Variants in SLC12A2 observed in about 807,000 individuals in gnomAD.
SLC12A2 encodes the protein Na-K-2Cl cotransporter 1.
In SLC12A2, 67 loss-of-function variants were observed where a neutral mutation model predicts 136.3. That is an observed-to-expected ratio of 0.49 (90% confidence interval 0.40 to 0.60). The LOEUF (loss-of-function observed/expected upper bound fraction) is 0.60. Ranked by LOEUF, SLC12A2 falls within the 20% of genes least tolerant of loss-of-function variation. SLC12A2 has a pLI of 0.00. For missense variants in SLC12A2, 1,322 were observed against 1,534.7 expected, an observed-to-expected ratio of 0.86 and a Z score of 2.32; for synonymous variants, 619 against 562.9, an observed-to-expected ratio of 1.10 and a Z score of -1.41.
chr5:128,155,297 GC>G (rs1762841412), intron 15 of SLC12A2, among the ~76,000 whole-genome samples: 2 of 151,870 alleles, frequency 1.3e-5, no homozygotes, highest in Non-Finnish European at 2.9e-5. Flanking sequence ...GATAAGGGGG[GC>G]TAGTGTACTT....
chr5:128,158,243 G>C lies in SLC12A2; in HGVS notation c.2475+79G>C, dbSNP rs550607911. The C allele has an allele frequency of 1.0e-4, 106 of 1,011,552 alleles. 1 individual carries two copies. The South Asian group carries it at 1.6e-3, about 15-fold the overall frequency. The allele number at this position is 1,011,552 out of a possible 1,614,324, so 62.7% of individuals were successfully genotyped here. On this transcript the variant is annotated intron_variant, in intron 16 of 26. Transcript: ENST00000262461. The stretch of plus-strand genomic sequence containing the variant: ...GGTTCAGGAATACATGTGCAGGTTT[G>C]TTATGTAGCTAAATTGTGTGTCACA...
chr5:128,105,276 T>TA (rs1380844544), intron 1 of SLC12A2, among the ~76,000 whole-genome samples: 2 of 152,174 alleles, frequency 1.3e-5, no homozygotes, highest in African/African-American at 4.8e-5. Flanking sequence ...ACTTAACACA[T>TA]ATACACGATG....
At chr5:128,110,115 A>G (rs1226472336) in intron 1 of SLC12A2, 2 of 933,272 alleles carry the variant, frequency 2.1e-6, no homozygotes, top group African/African-American at 3.1e-5. Flanking sequence ...TGTAGGTTTT[A>G]GAATTTTCAT....
At chr5:128,186,460 G>GT (rs1763871317) in intron 26 of SLC12A2, 36 bp from the exon 27 acceptor site, 7 of 1,402,146 alleles carry the variant, frequency 5.0e-6, no homozygotes, top group South Asian at 1.3e-5. Context: ...CATTGCTCAG[G>GT]GTTTTTTTTT....
Position 128,171,624 on chromosome 5 carries a change from A to ATT in SLC12A2, c.2724-34_2724-33dup, listed in dbSNP as rs3214907. 7.4e-3 allele frequency: 8,903 copies of ATT among 1,200,916 alleles called. 158 individuals carry two copies. In the African/African-American group the frequency reaches 0.074, roughly 10 times the overall value. The allele number at this position is 1,200,916 out of a possible 1,614,324, so 74.4% of individuals were successfully genotyped here. On this transcript the variant is annotated intron_variant, in intron 18 of 26. Coordinates refer to ENST00000262461, the MANE Select transcript of SLC12A2 (RefSeq NM_001046.3). ...AAAGAGGATAACACAAATTTTTGTG[A>ATT]TTTTTTTTTTGGTTTTTTCATTTTT... is the stretch of plus-strand genomic sequence containing the variant.
At chr5:128,120,538 G>T (rs931806948) in intron 4 of SLC12A2, among the ~76,000 whole-genome samples, 15 of 128,446 alleles carry the variant, frequency 1.2e-4, no homozygotes, top group African/African-American at 4.2e-4. Flanking sequence ...CATAAAAAAT[G>T]ATGAGTTCAT....
At chr5:128,152,883 AT>A (rs1401128280) in intron 15 of SLC12A2, 78 bp downstream of exon 15, 1 of 890,646 alleles carries the variant, frequency 1.1e-6, no homozygotes, top group African/African-American at 1.6e-5. Flanking sequence ...TGACATTTTC[AT>A]GTACATTTCA....
intron 4 of SLC12A2, among the ~76,000 whole-genome samples, chr5:128,118,334 C>T (rs772848464): frequency 6.6e-6 from 1 of 152,044 alleles, no homozygotes; most frequent in Non-Finnish European, 1.5e-5. Context: ...TGCCTATCAA[C>T]CAGTGAGTGG....
Position 128,184,507 on chromosome 5 carries a change from C to A in SLC12A2, c.3435+6C>A, listed in dbSNP as rs376648889. 8 of 1,576,068 alleles carry A rather than the reference C, an allele frequency of 5.1e-6. No homozygotes were observed. The African/African-American group carries it at 9.6e-5, about 19-fold the overall frequency. The stretch of plus-strand genomic sequence containing the variant: ...TTGAACTTTATAAGACCAAGGTATT[C>A]TCTTCTGCTTCCTTTTCATTAATCT... On this transcript the variant is annotated splice_donor_region_variant and intron_variant, in intron 25 of 26. Coordinates refer to ENST00000262461, the MANE Select transcript of SLC12A2 (RefSeq NM_001046.3).
At chr5:128,168,103 T>C (rs964177480) in intron 18 of SLC12A2, 25 of 306,162 alleles carry the variant, frequency 8.2e-5, no homozygotes, top group South Asian at 3.9e-4. Flanking sequence ...CACACACACA[T>C]ATATGTATGT....
chr5:128,180,775 T>G, intron 22 of SLC12A2, 108 bp from the exon 23 acceptor site: 1 of 683,796 alleles, frequency 1.5e-6, no homozygotes. Flanking sequence ...ACAGAAAGAT[T>G]TTTGTTTCAT....
At chr5:128,166,173 A>T (rs1161588076) in intron 17 of SLC12A2, among the ~76,000 whole-genome samples, 2 of 151,002 alleles carry the variant, frequency 1.3e-5, no homozygotes, top group Non-Finnish European at 3.0e-5. Flanking sequence ...ATTTGAATTA[A>T]TTTTTTTTTC....
intron 6 of SLC12A2, 117 bp from the exon 7 acceptor site, chr5:128,135,583 G>A (rs1431504990): frequency 1.3e-5 from 9 of 676,802 alleles, no homozygotes; most frequent in Non-Finnish European, 1.8e-5. Context: ...AGGCACTGGG[G>A]AATCAGGCAA....
At position 128,147,751 on chromosome 5, in the gene SLC12A2, G is replaced by T. The variant is rs570373340; in HGVS notation, c.1881+22G>T. 1.9e-5 allele frequency: 26 copies of T among 1,404,146 alleles called. 1 individual carries two copies. The highest frequency in any genetic ancestry group is 2.8e-5 in the African/African-American group (2 of 70,700). The allele number at this position is 1,404,146 out of a possible 1,614,324, so 87.0% of individuals were successfully genotyped here. ...TCAGGTAAGTGTTTTTATATTACAG[G>T]CTTTATTAAAGGGAGAGTTAAAGTA... On this transcript the variant is annotated intron_variant, in intron 11 of 26. Transcript: ENST00000262461.
chr5:128,139,552 G>T (rs1274563945), intron 9 of SLC12A2, among the ~76,000 whole-genome samples: 1 of 152,192 alleles, frequency 6.6e-6, no homozygotes, highest in Non-Finnish European at 1.5e-5. Flanking sequence ...TGAGAGGATA[G>T]AAGTTCCGAG....
intron 22 of SLC12A2, 93 bp downstream of exon 22, chr5:128,178,782 T>C: frequency 2.0e-6 from 2 of 981,940 alleles, no homozygotes; most frequent in Non-Finnish European, 2.8e-6. Context: ...GTGGACCCCA[T>C]TCAAATTTTG....
At chr5:128,154,911 G>T (rs144875770) in intron 15 of SLC12A2, among the ~76,000 whole-genome samples, 1 of 151,290 alleles carries the variant, frequency 6.6e-6, no homozygotes, top group African/African-American at 2.4e-5. Context: ...TAACCTTTGC[G>T]TAAAATTTTT....
intron 1 of SLC12A2, among the ~76,000 whole-genome samples, chr5:128,108,455 A>G (rs1216464097): frequency 6.6e-6 from 1 of 152,254 alleles, no homozygotes; most frequent in Admixed American, 6.5e-5. Flanking sequence ...ACTATGGAAT[A>G]TTATCTGGCA....
chr5:128,151,143 G>A, intron 13 of SLC12A2, 98 bp from the exon 14 acceptor site: 1 of 1,034,948 alleles, frequency 9.7e-7, no homozygotes, highest in Non-Finnish European at 1.4e-6. Flanking sequence ...TCCTCTCAGT[G>A]TGGCAACCAT....
Sources: gnomAD v4.1 joint callset for allele counts (sites outside exome capture counted in the v4.1 genomes callset) on GRCh38, gnomAD v4.1.1 for gene constraint, MANE v1.5 for transcripts, NCBI Gene and HGNC (gene_info 2026-07-23, HGNC 2026-07-21) for gene names.